Variants in NOTCH2NLA observed in about 807,000 individuals in gnomAD.
NOTCH2NLA encodes notch 2 N-terminal like A, also known as notch homolog 2 N-terminal-like protein A.
At chr1:146,228,958 T>TCCGCCGCTCCTCGG (rs1664374623) in exon 1 of NOTCH2NLA, 1 of 1,434,332 alleles carries the variant, frequency 7.0e-7, no homozygotes, top group African/African-American at 1.5e-5. Context: ...GCGCCCCGAG[T>TCCGCCGCTCCTCGG]CCGCCGCTCC....
chr1:146,159,437 A>AAGAAAGAG (rs1661368719), intron 3 of NOTCH2NLA, among the ~76,000 whole-genome samples: 1 of 147,872 alleles, frequency 6.8e-6, no homozygotes, highest in Non-Finnish European at 1.5e-5. Context: ...GAAAGAAAGA[A>AAGAAAGAG]AGAAAGAAAG....
chr1:146,186,130 A>G (rs1553810148), intron 2 of NOTCH2NLA, among the ~76,000 whole-genome samples: 1 of 134,122 alleles, frequency 7.5e-6, no homozygotes, highest in African/African-American at 2.5e-5. Flanking sequence ...ATATGCTAAT[A>G]TTACTTTTGC....
intron 3 of NOTCH2NLA, among the ~76,000 whole-genome samples, chr1:146,162,426 T>G (rs1372627274): frequency 6.8e-6 from 1 of 146,032 alleles, no homozygotes; most frequent in East Asian, 2.0e-4. Flanking sequence ...TTGATTGAAT[T>G]GAAGGATACA....
chr1:146,207,867 A>G (rs1663671904), intron 1 of NOTCH2NLA, among the ~76,000 whole-genome samples: 1 of 40,314 alleles, frequency 2.5e-5, no homozygotes, highest in Admixed American at 2.3e-4. Context: ...TGTCACCCAG[A>G]CAGATGTGCA....
At position 146,219,807 on chromosome 1, in the gene NOTCH2NLA, AT is replaced by A. The variant is rs1158347448; in HGVS notation, c.-45+8901del. Among the ~76,000 whole-genome samples the A allele has an allele frequency of 6.2e-4, 35 of 56,604 alleles. 7 individuals carry two copies. Among genetic ancestry groups the A allele is most frequent in the African/African-American group, 1.6e-3 (18 of 11,044 alleles). The allele number at this position is 56,604 out of a possible 152,430, so 37.1% of individuals were successfully genotyped here. A position where few individuals can be genotyped will look rare whatever the true frequency, so the allele number is the denominator to read the frequency against. On this transcript the variant is annotated intron_variant, in intron 1 of 4. Transcript: ENST00000362074. ...TCTGTTCATAAACTAAAAAAAAAAAATATATATATATATATAAATAAATCAA... is the reference window on the plus strand; with the variant it reads ...TCTGTTCATAAACTAAAAAAAAAAAAATATATATATATATAAATAAATCAA...
At chr1:146,151,288 A>G, downstream of NOTCH2NLA, among the ~76,000 whole-genome samples, 1 of 67,156 alleles carries the variant, frequency 1.5e-5, no homozygotes. Flanking sequence ...ATTGCACTCC[A>G]GCCTGGGAGA....
intron 3 of NOTCH2NLA, among the ~76,000 whole-genome samples, chr1:146,159,393 G>A (rs10660866): frequency 1.2e-4 from 13 of 111,034 alleles, no homozygotes; most frequent in African/African-American, 1.4e-4. Flanking sequence ...GAGAAAGAGA[G>A]AGAAAGAAAG....
At chr1:146,182,467 A>C (rs1268474565) in intron 2 of NOTCH2NLA, among the ~76,000 whole-genome samples, 3 of 138,782 alleles carry the variant, frequency 2.2e-5, no homozygotes, top group African/African-American at 7.4e-5. Flanking sequence ...CAATAATGTT[A>C]GCTAGCATTA....
intron 2 of NOTCH2NLA, among the ~76,000 whole-genome samples, chr1:146,187,864 A>G (rs1443576927): frequency 3.2e-4 from 44 of 136,788 alleles, no homozygotes; most frequent in African/African-American, 1.0e-3. Context: ...CCCCAGCTAG[A>G]AAAACTAAAT....
chr1:146,196,254 C>CATTT (rs1663169997), intron 1 of NOTCH2NLA, among the ~76,000 whole-genome samples: 1 of 67,970 alleles, frequency 1.5e-5, no homozygotes, highest in Non-Finnish European at 2.7e-5. Context: ...TTCCTCTAGG[C>CATTT]ATTTACCTAG....
At chr1:146,194,928 A>G (rs1338690420) in intron 1 of NOTCH2NLA, among the ~76,000 whole-genome samples, 2 of 112,044 alleles carry the variant, frequency 1.8e-5, no homozygotes, top group Non-Finnish European at 3.7e-5. Flanking sequence ...CTGTGCTTCC[A>G]CTGATTTCTG....
At chr1:146,171,678 A>G (rs1414988271) in intron 2 of NOTCH2NLA, among the ~76,000 whole-genome samples, 1 of 124,902 alleles carries the variant, frequency 8.0e-6, no homozygotes, top group East Asian at 2.1e-4. Context: ...ACTATTTCAG[A>G]GTAAGTTCTT....
chr1:146,162,228 T>G (rs1661545131), intron 3 of NOTCH2NLA, among the ~76,000 whole-genome samples: 1 of 143,874 alleles, frequency 7.0e-6, no homozygotes, highest in African/African-American at 2.6e-5. Flanking sequence ...ATCGTTAACT[T>G]TATGTAAGAG....
At chr1:146,228,323 C>G (rs1162739942) in intron 1 of NOTCH2NLA, 1 of 975,180 alleles carries the variant, frequency 1.0e-6, no homozygotes, top group Non-Finnish European at 1.2e-6. Context: ...CCGAGGCCCG[C>G]CGTCGGCTCT....
At chr1:146,198,722 G>T (rs1571323070) in intron 1 of NOTCH2NLA, among the ~76,000 whole-genome samples, 2 of 43,226 alleles carry the variant, frequency 4.6e-5, no homozygotes, top group African/African-American at 8.1e-5. Flanking sequence ...ATCTGTATTT[G>T]TACTATTATC....
At chr1:146,178,163 CT>C (rs1662357689) in intron 2 of NOTCH2NLA, among the ~76,000 whole-genome samples, 1 of 142,540 alleles carries the variant, frequency 7.0e-6, no homozygotes, top group African/African-American at 2.4e-5. Context: ...GTCTAACCAT[CT>C]TCTATCCCAA....
chr1:146,162,158 A>C (rs1266298312), intron 3 of NOTCH2NLA, among the ~76,000 whole-genome samples: 3 of 141,188 alleles, frequency 2.1e-5, no homozygotes, highest in African/African-American at 7.9e-5. Flanking sequence ...TCTTCATTTT[A>C]TTTCCTTTCT....
intron 1 of NOTCH2NLA, among the ~76,000 whole-genome samples, chr1:146,207,797 C>T (rs1472577622): frequency 1.0e-5 from 1 of 98,762 alleles, no homozygotes; most frequent in Non-Finnish European, 2.3e-5. Context: ...TGCAATTAGA[C>T]AGGCCCAATA....
At chr1:146,187,936 A>G in intron 2 of NOTCH2NLA, among the ~76,000 whole-genome samples, 1 of 136,274 alleles carries the variant, frequency 7.3e-6, no homozygotes, top group East Asian at 2.0e-4. Context: ...TTCCAATCCA[A>G]ACAACCTATT....
Sources: allele counts gnomAD v4.1 joint callset (sites outside exome capture counted in the v4.1 genomes callset), GRCh38; gene constraint gnomAD v4.1.1; transcripts MANE v1.5; gene names NCBI Gene and HGNC (gene_info 2026-07-23, HGNC 2026-07-21).